Variants in CSRNP3 observed in about 807,000 individuals in gnomAD.
CSRNP3 encodes the protein cysteine/serine-rich nuclear protein 3.
A neutral mutation model predicts 48.0 loss-of-function variants in CSRNP3; 12 were observed. The observed-to-expected ratio is 0.25, with a 90% CI of 0.16 to 0.41. The LOEUF is 0.41. Among genes scored for constraint, CSRNP3 ranks in the 10% least tolerant of loss-of-function variants. The pLI, the probability that CSRNP3 is intolerant of heterozygous loss-of-function variation, is 1.00. For missense variants in CSRNP3, 580 were observed against 724.4 expected, an observed-to-expected ratio of 0.80 and a Z score of 2.29; for synonymous variants, 263 against 269.7, an observed-to-expected ratio of 0.98 and a Z score of 0.24.
At chr2:165,672,580 C>G (rs1351576743) in intron 5 of CSRNP3, among the ~76,000 whole-genome samples, 3 of 152,116 alleles carry the variant, frequency 2.0e-5, no homozygotes, top group Non-Finnish European at 4.4e-5. Flanking sequence ...ATTATGGGAG[C>G]TACATTTGGT....
intron 3 of CSRNP3, among the ~76,000 whole-genome samples, chr2:165,529,283 A>G (rs909669480): frequency 1.3e-5 from 2 of 152,040 alleles, no homozygotes; most frequent in South Asian, 2.1e-4. Context: ...TCTCCACCCA[A>G]ATTTCATGTT....
chr2:165,629,402 T>A (rs542265384), intron 4 of CSRNP3, among the ~76,000 whole-genome samples: 3 of 152,220 alleles, frequency 2.0e-5, no homozygotes, highest in Non-Finnish European at 2.9e-5. Context: ...CCTATAACCA[T>A]GTCACTCGCA....
intron 5 of CSRNP3, among the ~76,000 whole-genome samples, chr2:165,660,862 A>T (rs10184773): frequency 6.6e-6 from 1 of 151,964 alleles, no homozygotes; most frequent in Non-Finnish European, 1.5e-5. Flanking sequence ...ATTTGGTTAT[A>T]ATCACTACTT....
At chr2:165,552,835 C>T (rs1304229674) in intron 3 of CSRNP3, among the ~76,000 whole-genome samples, 2 of 152,036 alleles carry the variant, frequency 1.3e-5, no homozygotes, top group Non-Finnish European at 2.9e-5. Flanking sequence ...GCTGGGACTA[C>T]AGGTGTGTGC....
intron 3 of CSRNP3, among the ~76,000 whole-genome samples, chr2:165,540,761 G>A (rs1363222069): frequency 6.6e-6 from 1 of 152,014 alleles, no homozygotes; most frequent in Non-Finnish European, 1.5e-5. Context: ...CCTGAACTCT[G>A]GGTTCTAGTG....
intron 2 of CSRNP3, among the ~76,000 whole-genome samples, chr2:165,496,026 T>G (rs1684279578): frequency 6.6e-6 from 1 of 151,988 alleles, no homozygotes; most frequent in South Asian, 2.1e-4. Flanking sequence ...GTTCATCCCA[T>G]GTAGTTCTGT....
chr2:165,679,338 A>G lies in CSRNP3; in HGVS notation c.1343A>G (p.Asn448Ser), dbSNP rs532431641. The G allele has an allele frequency of 4.3e-6, 7 of 1,613,730 alleles. No homozygotes were observed. The highest frequency in any genetic ancestry group is 5.9e-6 in the Non-Finnish European group (7 of 1,179,910). Residue 448 changes from asparagine to serine, a missense_variant, in exon 7 of 7, where the codon AAT becomes AGT. This residue lies in a region of CSRNP3 where 369 missense variants were observed against 380.8 expected (regional missense o/e 0.97). Transcript: ENST00000651982. Reference sequence around the variant, plus strand: ...GATAGCCACATTCCAGGAACTCCAAATCAGATCTCTGAGAACTATTCTGAA... The same window carrying G: ...GATAGCCACATTCCAGGAACTCCAAGTCAGATCTCTGAGAACTATTCTGAA... ...QIDSHIPGTPNQISENYSERD... is the reference protein window; with the variant it reads ...QIDSHIPGTPSQISENYSERD...
chr2:165,602,684 T>C (rs1214863809), intron 4 of CSRNP3, among the ~76,000 whole-genome samples: 1 of 152,158 alleles, frequency 6.6e-6, no homozygotes, highest in Non-Finnish European at 1.5e-5. Context: ...AAATCAGAAA[T>C]AGTTAACCAC....
At chr2:165,670,223 A>G (rs1025486147) in intron 5 of CSRNP3, among the ~76,000 whole-genome samples, 2 of 152,132 alleles carry the variant, frequency 1.3e-5, no homozygotes, top group Non-Finnish European at 2.9e-5. Context: ...TGAATATTGA[A>G]GTCTTCCCAC....
chr2:165,479,590 A>G (rs1684012246), intron 1 of CSRNP3, among the ~76,000 whole-genome samples: 1 of 152,212 alleles, frequency 6.6e-6, no homozygotes, highest in African/African-American at 2.4e-5. Flanking sequence ...TTAAAACCAC[A>G]TTTATTAATC....
chr2:165,515,801 CTTT>C (rs532831528), intron 2 of CSRNP3, among the ~76,000 whole-genome samples: 1,181 of 106,036 alleles, frequency 0.011, 11 homozygotes, highest in African/African-American at 0.039. Flanking sequence ...CTTTTCCTTT[CTTT>C]TTTTTTTTTT....
At chr2:165,633,189 A>G (rs1167087025) in intron 4 of CSRNP3, among the ~76,000 whole-genome samples, 1 of 152,194 alleles carries the variant, frequency 6.6e-6, no homozygotes, top group Non-Finnish European at 1.5e-5. Context: ...CCCTATTCCA[A>G]AGGACTTAAT....
At chr2:165,585,506 A>G (rs1477897848) in intron 3 of CSRNP3, among the ~76,000 whole-genome samples, 1 of 152,174 alleles carries the variant, frequency 6.6e-6, no homozygotes, top group Non-Finnish European at 1.5e-5. Flanking sequence ...TTCTGAGTAA[A>G]GCTAAAGAAG....
At chr2:165,550,594 C>T (rs766393888) in intron 3 of CSRNP3, among the ~76,000 whole-genome samples, 1 of 152,156 alleles carries the variant, frequency 6.6e-6, no homozygotes, top group Non-Finnish European at 1.5e-5. Flanking sequence ...CAAAAAAAGG[C>T]TTCATTTGCT....
At position 165,577,164 on chromosome 2, in the gene CSRNP3, T is replaced by A. The variant is rs150763735; in HGVS notation, c.-23-17879T>A. Among the ~76,000 whole-genome samples the A allele has an allele frequency of 8.0e-3, 1,215 of 151,754 alleles. 22 individuals carry two copies. Among genetic ancestry groups the A allele is most frequent in the African/African-American group, 0.028 (1,143 of 41,520 alleles). On this transcript the variant is annotated intron_variant, in intron 3 of 6. Transcript: ENST00000651982. Reference sequence around the variant, plus strand: ...TGAAATAGAAAAAAAAAAACAAAACTAAATTACTGAAACATGTAGAAGGAA... The same window carrying A: ...TGAAATAGAAAAAAAAAAACAAAACAAAATTACTGAAACATGTAGAAGGAA...
At chr2:165,618,815 A>G (rs1447387627) in intron 4 of CSRNP3, among the ~76,000 whole-genome samples, 1 of 152,202 alleles carries the variant, frequency 6.6e-6, no homozygotes, top group Non-Finnish European at 1.5e-5. Context: ...GTCTTAAAGG[A>G]TGACTCAGTA....
At position 165,682,007 on chromosome 2, in the gene CSRNP3, T is replaced by A. The variant is rs1024773507; in HGVS notation, c.*2254T>A. 12 of 151,740 alleles carry A rather than the reference T, an allele frequency of 7.9e-5. No individual in the cohort carries two copies. Among genetic ancestry groups the A allele is most frequent in the Non-Finnish European group, 1.5e-5 (1 of 67,950 alleles). 9.4% of individuals were successfully genotyped at this position (151,740 alleles called of 1,614,324 possible). On this transcript the variant is annotated 3_prime_UTR_variant, in exon 7 of 7. Transcript: ENST00000651982. Reference sequence around the variant, plus strand: ...ATGTGTACTGTATTTGCTGGACCATTACAAGCTCTTGAAGGATCTGCTTGT... The same window carrying A: ...ATGTGTACTGTATTTGCTGGACCATAACAAGCTCTTGAAGGATCTGCTTGT...
intron 3 of CSRNP3, among the ~76,000 whole-genome samples, chr2:165,576,161 C>A (rs1336578714): frequency 6.7e-6 from 1 of 150,246 alleles, no homozygotes; most frequent in African/African-American, 2.4e-5. Context: ...ATATGTGTAA[C>A]AATATATGTA....
At chr2:165,571,455 A>G (rs1685371899) in intron 3 of CSRNP3, among the ~76,000 whole-genome samples, 1 of 151,918 alleles carries the variant, frequency 6.6e-6, no homozygotes, top group African/African-American at 2.4e-5. Flanking sequence ...TATATTTAAA[A>G]AAATTTTTAG....
Sources: gnomAD v4.1 joint callset for allele counts (sites outside exome capture counted in the v4.1 genomes callset) on GRCh38, gnomAD v4.1.1 for gene constraint, gnomAD v4.1.1 regional missense constraint, MANE v1.5 for transcripts, NCBI Gene and HGNC (gene_info 2026-07-23, HGNC 2026-07-21) for gene names.